Variants in PPP2R2B observed in about 807,000 individuals in gnomAD.
The protein encoded by PPP2R2B is serine/threonine-protein phosphatase 2A 55 kDa regulatory subunit B beta isoform.
A neutral mutation model predicts 46.0 loss-of-function variants in PPP2R2B; 5 were observed. The ratio of observed to expected loss-of-function variants is 0.11; its 90% CI spans 0.06 to 0.23. PPP2R2B has a LOEUF of 0.23. Ranked by LOEUF, PPP2R2B falls within the 10% of genes least tolerant of loss-of-function variation. The probability of loss-of-function intolerance (pLI) is 1.00; values close to 1 mark genes in which losing one functional copy is unlikely to be tolerated. For synonymous variants in PPP2R2B, 215 were observed against 206.7 expected, an observed-to-expected ratio of 1.04 and a Z score of -0.34; for missense variants, 367 against 575.0, an observed-to-expected ratio of 0.64 and a Z score of 3.70.
chr5:146,700,307 CA>C (rs1779454965), intron 3 of PPP2R2B, among the ~76,000 whole-genome samples: 2 of 152,190 alleles, frequency 1.3e-5, no homozygotes, highest in South Asian at 4.1e-4. Flanking sequence ...AAGACCATGC[CA>C]GGGGAGGCCA....
intron 1 of PPP2R2B, among the ~76,000 whole-genome samples, chr5:146,923,473 T>C (rs1398009029): frequency 6.4e-4 from 97 of 152,174 alleles, no homozygotes; most frequent in Non-Finnish European, 1.3e-4. Flanking sequence ...GAAAACACGA[T>C]AAGATCATTG....
chr5:146,942,948 C>A (rs1764368741), intron 1 of PPP2R2B, among the ~76,000 whole-genome samples: 1 of 152,070 alleles, frequency 6.6e-6, no homozygotes, highest in Non-Finnish European at 1.5e-5. Flanking sequence ...CAGGTGCCCG[C>A]CACCACGCCT....
At chr5:146,630,868 C>A (rs1220103538) in intron 7 of PPP2R2B, among the ~76,000 whole-genome samples, 1 of 152,114 alleles carries the variant, frequency 6.6e-6, no homozygotes, top group East Asian at 1.9e-4. Flanking sequence ...CTCACAAGCA[C>A]CCTATAAGGT....
At chr5:146,712,089 T>A (rs747181049) in intron 2 of PPP2R2B, among the ~76,000 whole-genome samples, 1 of 152,220 alleles carries the variant, frequency 6.6e-6, no homozygotes, top group Admixed American at 6.5e-5. Context: ...TCCTAAAACA[T>A]GAGGTCCCGA....
intron 2 of PPP2R2B, among the ~76,000 whole-genome samples, chr5:146,836,015 G>A (rs767992082): frequency 7.9e-5 from 12 of 152,018 alleles, no homozygotes; most frequent in Non-Finnish European, 1.2e-4. Flanking sequence ...ACCACCAACC[G>A]CATTGGGTTG....
rs1442462467 is a variant in PPP2R2B, at chr5:146,708,395, ATGTGTGTGTGTATG to A, written c.71-7267_71-7254del. Among the ~76,000 whole-genome samples the A allele has an allele frequency of 2.9e-3, 366 of 128,266 alleles. 1 individual carries two copies. The highest frequency in any genetic ancestry group is 0.02 in the East Asian group (76 of 3,790). 84.1% of individuals were successfully genotyped at this position (128,266 alleles called of 152,430 possible). A position where few individuals can be genotyped will look rare whatever the true frequency, so the allele number is the denominator to read the frequency against. On this transcript the variant is annotated intron_variant, in intron 2 of 9. Transcript: ENST00000394411. ...ACACTGTATATCTGTATATCTATGTATGTGTGTGTGTATGTGTGTGTGTGTGTGTGTGTGTGTGT... is the reference window on the plus strand; with the variant it reads ...ACACTGTATATCTGTATATCTATGTATGTGTGTGTGTGTGTGTGTGTGTGT...
At chr5:146,972,034 G>A (rs1752685496) in intron 1 of PPP2R2B, among the ~76,000 whole-genome samples, 1 of 152,076 alleles carries the variant, frequency 6.6e-6, no homozygotes, top group Non-Finnish European at 1.5e-5. Flanking sequence ...CCATCTAGGA[G>A]GCAATATTGC....
chr5:146,718,357 C>T (rs1780611720), intron 2 of PPP2R2B, among the ~76,000 whole-genome samples: 2 of 151,698 alleles, frequency 1.3e-5, no homozygotes, highest in African/African-American at 4.8e-5. Flanking sequence ...CACTGTACTA[C>T]AGCCTGGGTG....
rs368969355 is a variant in PPP2R2B at position 146,976,567 on chromosome 5, A to G, written c.79+79098T>C. On this transcript the variant is annotated intron_variant, in intron 1 of 8. Coordinates refer to the PPP2R2B transcript ENST00000336640. ...GCTGATTAGCCAATTGGCACAACAC[A>G]ATTTACTGAAAAAGAAGGTTTCTTT... Among the ~76,000 whole-genome samples the G allele has an allele frequency of 2.8e-4, 43 of 152,272 alleles. No individual in the cohort carries two copies. In the South Asian group the frequency reaches 8.5e-3, roughly 30 times the overall value.
intron 1 of PPP2R2B, among the ~76,000 whole-genome samples, chr5:146,917,487 G>A (rs1006164319): frequency 6.6e-6 from 1 of 152,200 alleles, no homozygotes; most frequent in Admixed American, 6.5e-5. Flanking sequence ...GCTCATTGGT[G>A]TCTATCAATT....
At chr5:146,788,629 G>A (rs1296478717) in intron 2 of PPP2R2B, among the ~76,000 whole-genome samples, 1 of 152,178 alleles carries the variant, frequency 6.6e-6, no homozygotes, top group Non-Finnish European at 1.5e-5. Flanking sequence ...TACTTGGGAG[G>A]CTGAGGCAAG....
At chr5:146,618,505 A>G (rs1051807282) in intron 7 of PPP2R2B, among the ~76,000 whole-genome samples, 17 of 152,254 alleles carry the variant, frequency 1.1e-4, no homozygotes, top group Non-Finnish European at 1.9e-4. Flanking sequence ...TTGTTACAGC[A>G]GTGATAGAAA....
chr5:146,747,711 T>C (rs1308835978), intron 2 of PPP2R2B, among the ~76,000 whole-genome samples: 1 of 152,222 alleles, frequency 6.6e-6, no homozygotes, highest in Non-Finnish European at 1.5e-5. Context: ...GGACACATAA[T>C]TCCATTGTAA....
rs551563852 is a variant in PPP2R2B, at chr5:146,974,918, C to T, written c.79+80747G>A. On this transcript the variant is annotated intron_variant, in intron 1 of 8. Coordinates refer to the PPP2R2B transcript ENST00000336640. ...GTTAGCCAGGATGGTCTTGATCTCC[C>T]GACCTCGTGATCCGCCCACCTCTGC... is the stretch of plus-strand genomic sequence containing the variant. Among the ~76,000 whole-genome samples, 583 of 151,944 alleles carry T rather than the reference C, an allele frequency of 3.8e-3. 2 individuals carry two copies. The highest frequency in any genetic ancestry group is 5.7e-3 in the Non-Finnish European group (388 of 67,960).
intron 2 of PPP2R2B, among the ~76,000 whole-genome samples, chr5:146,862,595 A>C (rs1761068163): frequency 6.6e-6 from 1 of 152,204 alleles, no homozygotes; most frequent in Admixed American, 6.5e-5. Context: ...AAGGGGAAGC[A>C]GGAATGGCCT....
At chr5:146,864,614 T>C (rs1442036056) in intron 2 of PPP2R2B, among the ~76,000 whole-genome samples, 1 of 152,082 alleles carries the variant, frequency 6.6e-6, no homozygotes, top group Non-Finnish European at 1.5e-5. Context: ...TGAAAGTAAT[T>C]TTATTTAATA....
At chr5:146,755,410 C>T (rs1000839689) in intron 2 of PPP2R2B, among the ~76,000 whole-genome samples, 13 of 152,160 alleles carry the variant, frequency 8.5e-5, no homozygotes, top group East Asian at 3.8e-4. Flanking sequence ...AGGTTATCAG[C>T]GGAGCTCTCC....
chr5:146,863,600 C>A (rs919559714), intron 2 of PPP2R2B, among the ~76,000 whole-genome samples: 3 of 151,960 alleles, frequency 2.0e-5, no homozygotes, highest in African/African-American at 7.3e-5. Context: ...ACCTACTAAC[C>A]ACCACAAATA....
At chr5:146,642,682 T>G (rs2151084328) in intron 6 of PPP2R2B, among the ~76,000 whole-genome samples, 1 of 152,232 alleles carries the variant, frequency 6.6e-6, no homozygotes, top group South Asian at 2.1e-4. Flanking sequence ...TCAGGGTGGG[T>G]TTACGAATGG....
Sources: allele counts gnomAD v4.1 joint callset (sites outside exome capture counted in the v4.1 genomes callset), GRCh38; gene constraint gnomAD v4.1.1; transcripts MANE v1.5; gene names NCBI Gene and HGNC (gene_info 2026-07-23, HGNC 2026-07-21).